Variants in KCNIP3 observed in about 807,000 individuals in gnomAD.
The protein encoded by KCNIP3 is calsenilin.
In KCNIP3, 28 loss-of-function variants were observed where a neutral mutation model predicts 35.0. The ratio of observed to expected loss-of-function variants is 0.80; its 90% CI spans 0.59 to 1.10. The LOEUF is 1.10. Among genes scored for constraint, KCNIP3 ranks in the 50% least tolerant of loss-of-function variants. The pLI, the probability that KCNIP3 is intolerant of heterozygous loss-of-function variation, is 0.00. For missense variants in KCNIP3, 295 were observed against 338.4 expected (o/e 0.87, Z 1.01); for synonymous variants, 134 against 133.8 (o/e 1.00, Z -0.01).
intron 5 of KCNIP3, among the ~76,000 whole-genome samples, chr2:95,379,471 C>G (rs1680285022): frequency 1.3e-5 from 2 of 149,314 alleles, no homozygotes; most frequent in African/African-American, 2.5e-5. Flanking sequence ...CCTGGTGCCT[C>G]TGGGGCTTCC....
rs1680271591 is a variant in KCNIP3 at position 95,378,933 on chromosome 2, A to G, written c.448-2663A>G. ...ATATATTCATTGTCTTCAGTTATAC[A>G]CACACATGACTGGAGTCCAACACAT... On this transcript the variant is annotated intron_variant, in intron 5 of 8. Coordinates refer to ENST00000295225, the MANE Select transcript of KCNIP3 (RefSeq NM_013434.5). This position sits in a 1 kb window ranked among gnomAD's most constrained non-coding sequence, Gnocchi z 4.0. Among the ~76,000 whole-genome samples the G allele has an allele frequency of 6.6e-6, 1 of 152,008 alleles. No individual in the cohort carries two copies. The highest frequency in any genetic ancestry group is 2.1e-4 in the South Asian group (1 of 4,808).
chr2:95,351,708 C>G (rs895644797), intron 2 of KCNIP3, among the ~76,000 whole-genome samples: 6 of 152,188 alleles, frequency 3.9e-5, no homozygotes, highest in African/African-American at 1.4e-4. Context: ...CAGGGACCTC[C>G]CTGGCTCATG....
At chr2:95,316,472 T>C (rs1004638640) in intron 2 of KCNIP3, among the ~76,000 whole-genome samples, 1 of 152,032 alleles carries the variant, frequency 6.6e-6, no homozygotes, top group African/African-American at 2.4e-5. Flanking sequence ...AAACATGGGG[T>C]GAGGCGGTGG....
intron 2 of KCNIP3, among the ~76,000 whole-genome samples, chr2:95,357,995 A>T (rs1485971099): frequency 6.6e-6 from 1 of 152,082 alleles, no homozygotes; most frequent in African/African-American, 2.4e-5. Flanking sequence ...AGCTTTGGGG[A>T]GTACTGGTGG....
intron 2 of KCNIP3, among the ~76,000 whole-genome samples, chr2:95,329,794 T>A (rs1230880392): frequency 2.0e-5 from 3 of 152,216 alleles, no homozygotes; most frequent in African/African-American, 7.2e-5. Context: ...ATTGATCGCC[T>A]TCGATCCTGG....
At chr2:95,342,460 G>A (rs577250971) in intron 2 of KCNIP3, among the ~76,000 whole-genome samples, 78 of 152,342 alleles carry the variant, frequency 5.1e-4, no homozygotes, top group African/African-American at 1.8e-3. Flanking sequence ...GAGAAGTGCA[G>A]AATGCATTAG....
intron 2 of KCNIP3, among the ~76,000 whole-genome samples, chr2:95,332,551 A>C (rs1678958475): frequency 6.6e-6 from 1 of 152,272 alleles, no homozygotes; most frequent in Admixed American, 6.5e-5. Flanking sequence ...GGGGACGGAG[A>C]GGAGGAGGTG....
chr2:95,297,492 GTCGGGGGGAGGAATGGAGGCTTC>G, intron 1 of KCNIP3, 39 bp downstream of exon 1: 1 of 1,259,220 alleles, frequency 7.9e-7, no homozygotes, highest in Non-Finnish European at 1.1e-6. Context: ...CTGGAGGGGG[GTCGGGGGGAGGAATGGAGGCTTC>G]TGGGGGTTGC....
At chr2:95,347,922 T>A (rs1162337001) in intron 2 of KCNIP3, among the ~76,000 whole-genome samples, 1 of 152,214 alleles carries the variant, frequency 6.6e-6, no homozygotes, top group Admixed American at 6.5e-5. Context: ...CCCAGAGGCC[T>A]GAGAATGAGA....
intron 2 of KCNIP3, among the ~76,000 whole-genome samples, chr2:95,349,881 G>A (rs1221758281): frequency 1.3e-5 from 2 of 152,224 alleles, no homozygotes; most frequent in South Asian, 4.1e-4. Flanking sequence ...CCATCAAGGG[G>A]ATCTCATGTT....
At chr2:95,364,513 A>G (rs897966184) in intron 2 of KCNIP3, among the ~76,000 whole-genome samples, 12 of 152,262 alleles carry the variant, frequency 7.9e-5, no homozygotes, top group Non-Finnish European at 1.3e-4. Context: ...TGAATCCCCA[A>G]TGTTGGAGGT....
At chr2:95,349,809 A>G (rs572319508) in intron 2 of KCNIP3, among the ~76,000 whole-genome samples, 1 of 152,362 alleles carries the variant, frequency 6.6e-6, no homozygotes, top group Non-Finnish European at 1.5e-5. Context: ...GCTGCCTGCC[A>G]TCCACGAGCC....
At chr2:95,373,376 C>T in intron 2 of KCNIP3, among the ~76,000 whole-genome samples, 1 of 151,582 alleles carries the variant, frequency 6.6e-6, no homozygotes, top group East Asian at 1.9e-4. Context: ...ATTGCACCTC[C>T]CCCTCAAATG....
intron 1 of KCNIP3, among the ~76,000 whole-genome samples, chr2:95,297,980 G>C (rs535723363): frequency 1.3e-5 from 2 of 152,332 alleles, no homozygotes; most frequent in African/African-American, 2.4e-5. Flanking sequence ...TCCTCTGAAA[G>C]GGCTAGGAGC....
At chr2:95,320,953 A>AGT (rs1678580471) in intron 2 of KCNIP3, among the ~76,000 whole-genome samples, 2 of 28,526 alleles carry the variant, frequency 7.0e-5, no homozygotes, top group Non-Finnish European at 6.4e-5. Flanking sequence ...TCTCCTCCCC[A>AGT]CCCCTCCCCA....
chr2:95,344,744 GGCCACTGGA>G (rs1679305328), intron 2 of KCNIP3, among the ~76,000 whole-genome samples: 1 of 152,186 alleles, frequency 6.6e-6, no homozygotes, highest in South Asian at 2.1e-4. Context: ...GCATTGTAGG[GGCCACTGGA>G]GCCCCTGCCA....
intron 2 of KCNIP3, among the ~76,000 whole-genome samples, chr2:95,370,892 C>T (rs1680026184): frequency 6.6e-6 from 1 of 151,882 alleles, no homozygotes; most frequent in South Asian, 2.1e-4. Flanking sequence ...TCCTGAGTAG[C>T]TAGGATTACA....
At chr2:95,334,099 C>T (rs765672753) in intron 2 of KCNIP3, among the ~76,000 whole-genome samples, 1 of 152,172 alleles carries the variant, frequency 6.6e-6, no homozygotes, top group South Asian at 2.1e-4. Context: ...AGATCACCAG[C>T]GAGGATGTGA....
intron 1 of KCNIP3, among the ~76,000 whole-genome samples, chr2:95,307,854 GC>G (rs1422898925): frequency 6.6e-6 from 1 of 152,226 alleles, no homozygotes; most frequent in Non-Finnish European, 1.5e-5. Flanking sequence ...CGCAGAGCCT[GC>G]AGCAAAGAAT....
Sources: gnomAD v4.1 joint callset for allele counts (sites outside exome capture counted in the v4.1 genomes callset) on GRCh38, gnomAD v4.1.1 for gene constraint, Gnocchi (gnomAD v3.1) non-coding constraint, MANE v1.5 for transcripts, NCBI Gene and HGNC (gene_info 2026-07-23, HGNC 2026-07-21) for gene names.